DLGAP2: variants seen among roughly 807,000 people sequenced by gnomAD.
The protein encoded by DLGAP2 is disks large-associated protein 2.
In DLGAP2, 26 loss-of-function variants were observed where a neutral mutation model predicts 100.3. The ratio of observed to expected loss-of-function variants is 0.26; its 90% CI spans 0.19 to 0.36. DLGAP2 has a LOEUF of 0.36. Among genes scored for constraint, DLGAP2 ranks in the 10% least tolerant of loss-of-function variants. The probability of loss-of-function intolerance (pLI) is 1.00; values close to 1 mark genes in which losing one functional copy is unlikely to be tolerated. For missense variants in DLGAP2, 1,858 were observed against 1,453.2 expected (o/e 1.28, Z -4.53); for synonymous variants, 886 against 630.1 (o/e 1.41, Z -6.08).
chr8:1,701,466 G>A lies in DLGAP2; in HGVS notation c.*60G>A. ...GCTTTCCCGGACGCTTGTGCAGCGC[G>A]GCGCCGCCCTGGTGGTTTCTGTCTC... is the stretch of plus-strand genomic sequence containing the variant. On this transcript the variant is annotated 3_prime_UTR_variant, in exon 15 of 15. Coordinates refer to ENST00000637795, the MANE Select transcript of DLGAP2 (RefSeq NM_001346810.2). The A allele has an allele frequency of 4.0e-6, 6 of 1,496,600 alleles. No homozygotes were observed. Among genetic ancestry groups the A allele is most frequent in the Non-Finnish European group, 4.5e-6 (5 of 1,114,544 alleles). The allele number at this position is 1,496,600 out of a possible 1,614,324, so 92.7% of individuals were successfully genotyped here. A position where few individuals can be genotyped will look rare whatever the true frequency, so the allele number is the denominator to read the frequency against.
At chr8:772,794 G>T (rs973824858) in intron 1 of DLGAP2, among the ~76,000 whole-genome samples, 1 of 152,214 alleles carries the variant, frequency 6.6e-6, no homozygotes, top group Non-Finnish European at 1.5e-5. Flanking sequence ...GCTTCTTGTG[G>T]CATGCATGGA....
At chr8:1,099,299 A>G (rs900022555) in intron 2 of DLGAP2, among the ~76,000 whole-genome samples, 1 of 152,196 alleles carries the variant, frequency 6.6e-6, no homozygotes, top group Non-Finnish European at 1.5e-5. Context: ...CAACAATGAA[A>G]AGAAAACAAG....
chr8:1,311,208 A>C (rs1800606544), intron 3 of DLGAP2, among the ~76,000 whole-genome samples: 1 of 152,246 alleles, frequency 6.6e-6, no homozygotes, highest in African/African-American at 2.4e-5. Context: ...ATAACAATGA[A>C]AATGACCTAA....
rs894199440 is a variant in DLGAP2, at chr8:1,678,590, A to T, written c.2665A>T (p.Met889Leu). The part of the protein sequence containing the change: ...TKRMEGWCKE[M>L]EREAEENDLS... ...GAGGATGGAAGGCTGGTGCAAAGAGATGGAGAGAGAGGCGGAGGAGAACGA... is the reference window on the plus strand; with the variant it reads ...GAGGATGGAAGGCTGGTGCAAAGAGTTGGAGAGAGAGGCGGAGGAGAACGA... Residue 889 changes from methionine to leucine, a missense_variant, in exon 12 of 15, where the codon ATG (methionine) becomes TTG (leucine). Physicochemically the swap from Met to Leu is conservative, Grantham distance 15 (BLOSUM62 2). Coordinates refer to ENST00000637795, the MANE Select transcript of DLGAP2 (RefSeq NM_001346810.2). The T allele has an allele frequency of 7.0e-6, 11 of 1,575,906 alleles. No individual in the cohort carries two copies. The highest frequency in any genetic ancestry group is 9.5e-6 in the Non-Finnish European group (11 of 1,160,696).
intron 5 of DLGAP2, among the ~76,000 whole-genome samples, chr8:1,558,491 GCACACACATA>G (rs764507826): frequency 3.0e-4 from 46 of 152,106 alleles, no homozygotes; most frequent in Admixed American, 6.5e-4. Flanking sequence ...ATACAAACAT[GCACACACATA>G]CACACATAGG....
chr8:1,489,827 A>G (rs998060269), intron 3 of DLGAP2, among the ~76,000 whole-genome samples: 3 of 152,232 alleles, frequency 2.0e-5, no homozygotes, highest in Non-Finnish European at 2.9e-5. Flanking sequence ...CTAACATTCT[A>G]CATGATAATT....
chr8:1,683,856 A>ATATATATATATG (rs1467438870), intron 12 of DLGAP2, among the ~76,000 whole-genome samples: 5 of 62,228 alleles, frequency 8.0e-5, no homozygotes, highest in East Asian at 1.2e-3. Flanking sequence ...ATATATATAT[A>ATATATATATATG]TGTGTGTGTG....
intron 3 of DLGAP2, among the ~76,000 whole-genome samples, chr8:1,465,923 G>T (rs1798615223): frequency 6.6e-6 from 1 of 152,184 alleles, no homozygotes; most frequent in African/African-American, 2.4e-5. Flanking sequence ...GAAAGGCCGG[G>T]AAAGGTCCCT....
At chr8:1,278,054 A>G (rs144805164) in intron 3 of DLGAP2, among the ~76,000 whole-genome samples, 29 of 152,260 alleles carry the variant, frequency 1.9e-4, no homozygotes, top group African/African-American at 7.0e-4. Flanking sequence ...GTCTCTTGCA[A>G]TTTCAACATT....
At chr8:1,222,738 C>T (rs1024374583) in intron 2 of DLGAP2, among the ~76,000 whole-genome samples, 5 of 151,986 alleles carry the variant, frequency 3.3e-5, no homozygotes, top group African/African-American at 1.2e-4. Context: ...GATGGTCAGA[C>T]GGGCTCTGCT....
At chr8:1,166,064 G>T (rs1797008808) in intron 2 of DLGAP2, among the ~76,000 whole-genome samples, 8 of 152,208 alleles carry the variant, frequency 5.3e-5, no homozygotes, top group Admixed American at 4.6e-4. Flanking sequence ...TTTGCCCAAG[G>T]TTATCTAAAG....
intron 2 of DLGAP2, among the ~76,000 whole-genome samples, chr8:1,143,926 C>A (rs147625565): frequency 6.6e-6 from 1 of 152,234 alleles, no homozygotes; most frequent in Non-Finnish European, 1.5e-5. Flanking sequence ...ACTAGATGCA[C>A]GTGTGTTATT....
chr8:1,562,606 G>A (rs1407744375), intron 5 of DLGAP2, among the ~76,000 whole-genome samples: 2 of 45,446 alleles, frequency 4.4e-5, no homozygotes, highest in African/African-American at 9.1e-5. Context: ...TCCGCGCCTC[G>A]TTGCTCGGGG....
At chr8:1,173,861 C>T (rs897792179) in intron 2 of DLGAP2, among the ~76,000 whole-genome samples, 17 of 152,358 alleles carry the variant, frequency 1.1e-4, no homozygotes, top group Admixed American at 6.5e-4. Context: ...CGCCCTGCTT[C>T]GGCTCCCGCA....
At chr8:794,204 G>C (rs1174545057) in intron 1 of DLGAP2, among the ~76,000 whole-genome samples, 1 of 152,074 alleles carries the variant, frequency 6.6e-6, no homozygotes, top group Non-Finnish European at 1.5e-5. Context: ...GGTGGGGCGT[G>C]TTTCTAGCTG....
intron 3 of DLGAP2, among the ~76,000 whole-genome samples, chr8:1,477,637 C>T (rs1215485782): frequency 6.6e-6 from 1 of 152,210 alleles, no homozygotes; most frequent in African/African-American, 2.4e-5. Context: ...CAGCCTCCTT[C>T]TGCCCATCTG....
At chr8:1,238,437 T>TCTCTCA (rs1353329706) in intron 2 of DLGAP2, among the ~76,000 whole-genome samples, 3 of 129,326 alleles carry the variant, frequency 2.3e-5, no homozygotes, top group African/African-American at 8.6e-5. Context: ...CGTTTCTAGT[T>TCTCTCA]CTCTCACATG....
At chr8:1,542,045 C>G (rs1257848309) in intron 4 of DLGAP2, among the ~76,000 whole-genome samples, 1 of 152,248 alleles carries the variant, frequency 6.6e-6, no homozygotes, top group Non-Finnish European at 1.5e-5. Context: ...GCTTCAGCCA[C>G]ATTCTTTGTT....
At chr8:1,050,863 G>A (rs35140449) in intron 2 of DLGAP2, among the ~76,000 whole-genome samples, 23,573 of 151,968 alleles carry the variant, frequency 0.16, 2,429 homozygotes, top group Non-Finnish European at 0.23. Context: ...ATTTCCATGC[G>A]GCAGTGTGTG....
Sources: allele counts gnomAD v4.1 joint callset (sites outside exome capture counted in the v4.1 genomes callset), GRCh38; gene constraint gnomAD v4.1.1; transcripts MANE v1.5; gene names NCBI Gene and HGNC (gene_info 2026-07-23, HGNC 2026-07-21).